The following ATP10A variants were observed in gnomAD, a reference collection of about 807,000 sequenced individuals.
The protein encoded by ATP10A is phospholipid-transporting ATPase VA.
In ATP10A, 111 loss-of-function variants were observed where a neutral mutation model predicts 147.8. The ratio of observed to expected loss-of-function variants is 0.75; its 90% CI spans 0.64 to 0.88. ATP10A has a LOEUF of 0.88. ATP10A is among the 40% of genes least tolerant of loss of function. ATP10A has a pLI of 0.00. For synonymous variants in ATP10A, 875 were observed against 841.6 expected (o/e 1.04, Z -0.69); for missense variants, 1,927 against 1,959.0 (o/e 0.98, Z 0.31).
chr15:25,702,204 G>T (rs966597533), intron 12 of ATP10A, 104 bp from the exon 13 acceptor site: 3 of 1,213,932 alleles, frequency 2.5e-6, no homozygotes, highest in Non-Finnish European at 3.4e-6. Flanking sequence ...GCAGGCACTG[G>T]TACAGCCCCT....
chr15:25,807,590 G>A (rs552510916), intron 1 of ATP10A, among the ~76,000 whole-genome samples: 74 of 152,146 alleles, frequency 4.9e-4, no homozygotes, highest in Non-Finnish European at 9.7e-4. Flanking sequence ...ATCACCTGAG[G>A]TCAAGAGTTC....
intron 1 of ATP10A, among the ~76,000 whole-genome samples, chr15:25,846,585 G>A (rs780640690): frequency 2.6e-5 from 4 of 152,116 alleles, no homozygotes; most frequent in African/African-American, 7.2e-5. Flanking sequence ...CCACACTGCT[G>A]AGCGTTCTTC....
At chr15:25,781,887 G>A (rs1889943479) in intron 1 of ATP10A, among the ~76,000 whole-genome samples, 1 of 152,148 alleles carries the variant, frequency 6.6e-6, no homozygotes, top group South Asian at 2.1e-4. Flanking sequence ...TCTGGAATTA[G>A]TGACAGTTGC....
At chr15:25,675,084 C>T (rs1019406864), downstream of ATP10A, among the ~76,000 whole-genome samples, 7 of 152,160 alleles carry the variant, frequency 4.6e-5, no homozygotes, top group East Asian at 1.9e-4. Flanking sequence ...GCACGCTGCT[C>T]GGGGAATTTT....
chr15:25,783,673 T>C (rs1222609302), intron 1 of ATP10A, among the ~76,000 whole-genome samples: 1 of 152,262 alleles, frequency 6.6e-6, no homozygotes, highest in Non-Finnish European at 1.5e-5. Flanking sequence ...ATGATGCGGT[T>C]CTGACCTCGA....
chr15:25,783,291 T>A (rs2140715863), intron 1 of ATP10A, among the ~76,000 whole-genome samples: 1 of 152,314 alleles, frequency 6.6e-6, no homozygotes, highest in Non-Finnish European at 1.5e-5. Context: ...ACACCCCCCA[T>A]AAAACTCTAC....
At chr15:25,862,015 T>A (rs945666227) in intron 1 of ATP10A, 1 of 334,990 alleles carries the variant, frequency 3.0e-6, no homozygotes, top group Non-Finnish European at 5.9e-6. Flanking sequence ...CCACAGCCTC[T>A]TTCCCCCAGG....
intron 12 of ATP10A, among the ~76,000 whole-genome samples, chr15:25,707,345 G>A (rs1384491416): frequency 1.3e-5 from 2 of 152,130 alleles, no homozygotes; most frequent in African/African-American, 4.8e-5. Flanking sequence ...AGGTGGGGGT[G>A]GACCATCCTC....
chr15:25,714,315 G>A, intron 9 of ATP10A, 74 bp from the exon 10 acceptor site: 1 of 1,392,128 alleles, frequency 7.2e-7, no homozygotes, highest in Non-Finnish European at 9.9e-7. Flanking sequence ...GGTTCCCACA[G>A]GATGCTCCAG....
intron 2 of ATP10A, among the ~76,000 whole-genome samples, chr15:25,767,661 G>A (rs775775965): frequency 1.3e-5 from 2 of 152,236 alleles, no homozygotes; most frequent in Non-Finnish European, 2.9e-5. Flanking sequence ...GCAGGGGTGA[G>A]CCCAGGCCTT....
chr15:25,850,414 C>T (rs1251087241), intron 1 of ATP10A, among the ~76,000 whole-genome samples: 1 of 152,072 alleles, frequency 6.6e-6, no homozygotes, highest in Non-Finnish European at 1.5e-5. Flanking sequence ...AACTGATTTC[C>T]AACTTGGCAA....
chr15:25,843,589 A>G (rs1567426457), intron 1 of ATP10A, among the ~76,000 whole-genome samples: 2 of 152,102 alleles, frequency 1.3e-5, no homozygotes, highest in Admixed American at 6.5e-5. Context: ...GCCCTCTTAG[A>G]CACCTATGAG....
chr15:25,771,250 C>T (rs770227815), intron 2 of ATP10A, among the ~76,000 whole-genome samples: 3 of 151,982 alleles, frequency 2.0e-5, no homozygotes, highest in Non-Finnish European at 4.4e-5. Flanking sequence ...TGTTTGCTGG[C>T]CACCCATAAA....
intron 1 of ATP10A, among the ~76,000 whole-genome samples, chr15:25,839,312 G>A (rs578133551): frequency 3.4e-4 from 52 of 152,250 alleles, no homozygotes; most frequent in South Asian, 6.2e-4. Context: ...GGTATTTCCA[G>A]GAGTTAATGT....
intron 1 of ATP10A, among the ~76,000 whole-genome samples, chr15:25,814,014 T>C (rs895227252): frequency 2.6e-5 from 4 of 151,808 alleles, no homozygotes; most frequent in Non-Finnish European, 5.9e-5. Flanking sequence ...CTGAAAACCA[T>C]ACAGCCACAG....
intron 3 of ATP10A, among the ~76,000 whole-genome samples, chr15:25,730,301 C>CAAAAAAAA (rs763070472): frequency 0.025 from 228 of 8,974 alleles, 3 homozygotes; most frequent in African/African-American, 0.046. Context: ...GACTCTGTCT[C>CAAAAAAAA]AAAAAAAAAA....
intron 16 of ATP10A, among the ~76,000 whole-genome samples, chr15:25,687,416 T>G (rs901578678): frequency 1.3e-5 from 2 of 151,930 alleles, no homozygotes; most frequent in African/African-American, 4.8e-5. Context: ...AGCCTCATAA[T>G]TATGCCCCTT....
chr15:25,713,684 G>A lies in ATP10A; in HGVS notation c.2334C>T (p.Pro778=). The change falls in exon 10 of 21, where the codon CCC becomes CCT. Residue 778 remains proline, a synonymous_variant. Transcript: ENST00000555815. ...ADSVVMDLLQ[P]CSSVDARGRH... ...CAGGGGTGGGAGTACCTGAAGAGCA[G>A]GGCTGCAGGAGATCCATGACCACTG... 3 of 1,613,862 alleles carry A rather than the reference G, an allele frequency of 1.9e-6. No individual in the cohort carries two copies. In the South Asian group the frequency reaches 3.3e-5, roughly 18 times the overall value.
chr15:25,843,839 G>A (rs559206054), intron 1 of ATP10A, among the ~76,000 whole-genome samples: 9 of 152,222 alleles, frequency 5.9e-5, no homozygotes, highest in South Asian at 4.2e-4. Flanking sequence ...TGCACTTTCC[G>A]GTTAACACAA....
Sources: gnomAD v4.1 joint callset for allele counts (sites outside exome capture counted in the v4.1 genomes callset) on GRCh38, gnomAD v4.1.1 for gene constraint, MANE v1.5 for transcripts, NCBI Gene and HGNC (gene_info 2026-07-23, HGNC 2026-07-21) for gene names.